KCNK10: variants seen among roughly 807,000 people sequenced by gnomAD.
KCNK10 encodes the protein potassium two pore domain channel subfamily K member 10.
KCNK10 carries 25 observed loss-of-function variants against 47.7 expected under a neutral mutation model. The observed-to-expected ratio is 0.52, with a 90% CI of 0.38 to 0.73. The LOEUF is 0.73. KCNK10 is among the 30% of genes least tolerant of loss of function. The pLI, the probability that KCNK10 is intolerant of heterozygous loss-of-function variation, is 0.00. For missense variants in KCNK10, 563 were observed against 714.5 expected (o/e 0.79, Z 2.42); for synonymous variants, 303 against 285.6 (o/e 1.06, Z -0.61).
At chr14:88,216,286 G>A (rs1661912091) in intron 4 of KCNK10, among the ~76,000 whole-genome samples, 1 of 152,192 alleles carries the variant, frequency 6.6e-6, no homozygotes, top group Non-Finnish European at 1.5e-5. Context: ...GGAAGATTTG[G>A]ACAGGGGACC....
intron 3 of KCNK10, among the ~76,000 whole-genome samples, chr14:88,228,644 G>A (rs1886063120): frequency 6.6e-6 from 1 of 152,124 alleles, no homozygotes; most frequent in South Asian, 2.1e-4. Flanking sequence ...AATGCAACAT[G>A]ATAAAAAAAC....
Position 88,297,042 on chromosome 14 carries a change from C to T in KCNK10, c.52+25705G>A, listed in dbSNP as rs145768562. Among the ~76,000 whole-genome samples, 990 of 152,230 alleles carry T rather than the reference C, an allele frequency of 6.5e-3. 7 individuals carry two copies. Among genetic ancestry groups the T allele is most frequent in the Non-Finnish European group, 0.01 (696 of 68,008 alleles). Reference sequence around the variant, plus strand: ...AATGCATCTAAGAATTAATGTAGTACAATAGAACATTTCTCTTGGAGAAAC... The same window carrying T: ...AATGCATCTAAGAATTAATGTAGTATAATAGAACATTTCTCTTGGAGAAAC... On this transcript the variant is annotated intron_variant, in intron 1 of 6. Transcript: ENST00000319231.
At chr14:88,256,834 CAA>C (rs1163396817) in intron 2 of KCNK10, among the ~76,000 whole-genome samples, 3 of 152,082 alleles carry the variant, frequency 2.0e-5, no homozygotes, top group African/African-American at 7.2e-5. Flanking sequence ...AACAAGAGCT[CAA>C]AGTTACTGAG....
At chr14:88,257,705 C>T (rs562135505) in intron 2 of KCNK10, among the ~76,000 whole-genome samples, 7 of 152,316 alleles carry the variant, frequency 4.6e-5, no homozygotes, top group African/African-American at 1.7e-4. Flanking sequence ...AAAGATTATC[C>T]TCACAGAACA....
At chr14:88,277,615 C>T (rs911783384) in intron 1 of KCNK10, among the ~76,000 whole-genome samples, 4 of 152,050 alleles carry the variant, frequency 2.6e-5, no homozygotes, top group South Asian at 2.1e-4. Context: ...GTGAAGTCTT[C>T]GAGGAATCAA....
upstream of KCNK10, chr14:88,323,371 A>C: frequency 1.1e-6 from 1 of 878,274 alleles, no homozygotes; most frequent in Non-Finnish European, 1.4e-6. Flanking sequence ...CGCTCCCCGA[A>C]AGCCATTGGA....
At chr14:88,285,374 A>C (rs1887738322) in intron 1 of KCNK10, among the ~76,000 whole-genome samples, 1 of 152,158 alleles carries the variant, frequency 6.6e-6, no homozygotes, top group South Asian at 2.1e-4. Flanking sequence ...AGCCTCCCAA[A>C]GTGCTGGGAT....
At chr14:88,214,991 T>C (rs993471796) in intron 4 of KCNK10, among the ~76,000 whole-genome samples, 2 of 152,102 alleles carry the variant, frequency 1.3e-5, no homozygotes, top group African/African-American at 4.8e-5. Context: ...GGAGACCAAG[T>C]TTGGAAGTCT....
intron 2 of KCNK10, among the ~76,000 whole-genome samples, chr14:88,257,596 G>T (rs1479981736): frequency 1.3e-5 from 2 of 152,184 alleles, no homozygotes; most frequent in East Asian, 3.9e-4. Context: ...TGGTCAGACT[G>T]CCTGGCAGTA....
In KCNK10 at chr14:88,180,617, A is replaced by G. The variant is rs1044183693; in HGVS notation, c.*4918T>C. 7.6e-6 allele frequency: 3 copies of G among 396,436 alleles called. No individual in the cohort carries two copies. The highest frequency in any genetic ancestry group is 1.3e-5 in the Non-Finnish European group (3 of 225,122). 24.6% of individuals were successfully genotyped at this position (396,436 alleles called of 1,614,324 possible). A position where few individuals can be genotyped will look rare whatever the true frequency, so the allele number is the denominator to read the frequency against. ...CAGATTTTTCACCTAAGAATCAAGA[A>G]CACAAAGTAGATACCAAATCTCAGG... On this transcript the variant is annotated 3_prime_UTR_variant, in exon 7 of 7. Transcript: ENST00000319231.
intron 4 of KCNK10, among the ~76,000 whole-genome samples, chr14:88,199,912 G>A (rs1450337371): frequency 6.6e-6 from 1 of 152,218 alleles, no homozygotes; most frequent in South Asian, 2.1e-4. Flanking sequence ...AAATACCTGG[G>A]TATTGCTGGA....
At chr14:88,266,096 C>T (rs758148979) in intron 1 of KCNK10, among the ~76,000 whole-genome samples, 5 of 152,168 alleles carry the variant, frequency 3.3e-5, no homozygotes, top group Non-Finnish European at 5.9e-5. Flanking sequence ...AGGGCAGGCA[C>T]CCTGTCTACC....
At chr14:88,270,090 C>G (rs1887365338) in intron 1 of KCNK10, among the ~76,000 whole-genome samples, 1 of 152,042 alleles carries the variant, frequency 6.6e-6, no homozygotes, top group African/African-American at 2.4e-5. Flanking sequence ...CCTCCTCTCA[C>G]CTCCCCCCTC....
chr14:88,197,707 T>C (rs138731386), intron 4 of KCNK10, among the ~76,000 whole-genome samples: 294 of 149,874 alleles, frequency 2.0e-3, no homozygotes, highest in African/African-American at 7.0e-3. Flanking sequence ...GATAATACGC[T>C]ATTGGAACAC....
chr14:88,276,171 A>G (rs1385620735), intron 1 of KCNK10, among the ~76,000 whole-genome samples: 1 of 151,738 alleles, frequency 6.6e-6, no homozygotes, highest in South Asian at 2.1e-4. Flanking sequence ...CTAACCCTCA[A>G]TGTGACGGGA....
intron 2 of KCNK10, among the ~76,000 whole-genome samples, chr14:88,241,761 TTA>T (rs1433513651): frequency 6.6e-6 from 1 of 152,324 alleles, no homozygotes; most frequent in East Asian, 1.9e-4. Context: ...TCCAGGAGAC[TTA>T]GTCTATGCAT....
chr14:88,227,912 G>T (rs1234955640), intron 3 of KCNK10, among the ~76,000 whole-genome samples: 1 of 152,186 alleles, frequency 6.6e-6, no homozygotes, highest in African/African-American at 2.4e-5. Context: ...GATTTGACAA[G>T]AGCTTCTTTT....
intron 2 of KCNK10, among the ~76,000 whole-genome samples, chr14:88,250,577 CACA>C (rs1886765512): frequency 6.6e-6 from 1 of 152,218 alleles, no homozygotes; most frequent in Non-Finnish European, 1.5e-5. Flanking sequence ...ACTCTGAAGT[CACA>C]ACAAGGATTT....
At chr14:88,321,220 A>C (rs1326110121) in intron 1 of KCNK10, among the ~76,000 whole-genome samples, 1 of 152,156 alleles carries the variant, frequency 6.6e-6, no homozygotes, top group Non-Finnish European at 1.5e-5. Context: ...CCTCTTCTGC[A>C]ACAATTCCCC....
Sources: allele counts gnomAD v4.1 joint callset (sites outside exome capture counted in the v4.1 genomes callset), GRCh38; gene constraint gnomAD v4.1.1; transcripts MANE v1.5; gene names NCBI Gene and HGNC (gene_info 2026-07-23, HGNC 2026-07-21).